The following PTPRD variants were observed in gnomAD, a reference collection of about 807,000 sequenced individuals.
PTPRD encodes the protein receptor-type tyrosine-protein phosphatase delta.
In PTPRD, 34 loss-of-function variants were observed where a neutral mutation model predicts 214.5. The ratio of observed to expected loss-of-function variants is 0.16; its 90% CI spans 0.12 to 0.21. PTPRD has a LOEUF of 0.21. Ranked by LOEUF, PTPRD falls within the 10% of genes least tolerant of loss-of-function variation. PTPRD has a pLI of 1.00. For missense variants in PTPRD, 2,545 were observed against 2,398.7 expected, an observed-to-expected ratio of 1.06 and a Z score of -1.27; for synonymous variants, 1,128 against 845.7, an observed-to-expected ratio of 1.33 and a Z score of -5.79.
chr9:10,103,354 G>C, intron 3 of PTPRD, among the ~76,000 whole-genome samples: 1 of 112,636 alleles, frequency 8.9e-6, no homozygotes, highest in Admixed American at 1.0e-4. Flanking sequence ...TTGCCATTGA[G>C]TTATGACATT....
intron 39 of PTPRD, among the ~76,000 whole-genome samples, chr9:8,357,356 T>C (rs1021718): frequency 0.91 from 138,050 of 152,254 alleles, 62,628 homozygotes; most frequent in African/African-American, 0.93. Flanking sequence ...GATGCAGGAA[T>C]AGCTTGGCAA....
In PTPRD at chr9:8,517,917, C is replaced by T. The variant is rs1388309573; in HGVS notation, c.1474G>A (p.Val492Ile). Residue 492 changes from valine to isoleucine, a missense_variant, in exon 21 of 46, where the codon GTC becomes ATC. Val to Ile is a conservative substitution (Grantham distance 29). Transcript: ENST00000381196. ...TCTCCAATTGAGGTAAAAGCCAGGA[C>T]TTTGACAGAATATGTTTTCTGGGGC... ...LVPQKTYSVK[V>I]LAFTSIGDGP... is the part of the protein sequence containing the mutation. 3.1e-6 allele frequency: 5 copies of T among 1,614,060 alleles called. No individual in the cohort carries two copies. In the Admixed American group the frequency reaches 8.3e-5, roughly 27 times the overall value.
intron 9 of PTPRD, among the ~76,000 whole-genome samples, chr9:9,349,324 A>C (rs1345161509): frequency 6.6e-6 from 1 of 152,118 alleles, no homozygotes; most frequent in Non-Finnish European, 1.5e-5. Flanking sequence ...TTGGGAAAGC[A>C]GTATCAGACT....
At chr9:8,451,942 G>A (rs750663355) in intron 33 of PTPRD, 5 of 480,978 alleles carry the variant, frequency 1.0e-5, no homozygotes, top group South Asian at 7.7e-5. Context: ...CCCTGTGGCT[G>A]GGGTGAGTGA....
chr9:10,551,259 T>C (rs913709418), intron 2 of PTPRD, among the ~76,000 whole-genome samples: 15 of 152,158 alleles, frequency 9.9e-5, no homozygotes, highest in African/African-American at 3.1e-4. Context: ...GGATCCCTCA[T>C]GTCCAGAGGT....
chr9:10,417,231 C>G (rs1372428257), intron 2 of PTPRD, among the ~76,000 whole-genome samples: 2 of 151,914 alleles, frequency 1.3e-5, no homozygotes, highest in African/African-American at 4.8e-5. Flanking sequence ...TCTATTAAGA[C>G]AAGTATTCAA....
chr9:8,328,021 T>G (rs11524179), intron 44 of PTPRD, among the ~76,000 whole-genome samples: 2,944 of 152,286 alleles, frequency 0.019, 54 homozygotes, highest in Non-Finnish European at 0.026. Flanking sequence ...TATTTACATT[T>G]AAGGTTAATA....
chr9:8,797,350 A>C (rs1345266767), intron 11 of PTPRD, among the ~76,000 whole-genome samples: 1 of 152,230 alleles, frequency 6.6e-6, no homozygotes, highest in Non-Finnish European at 1.5e-5. Flanking sequence ...AAAAGTCATG[A>C]ATACCAAACT....
chr9:10,211,708 A>G (rs962031194), intron 3 of PTPRD, among the ~76,000 whole-genome samples: 9 of 152,166 alleles, frequency 5.9e-5, no homozygotes, highest in African/African-American at 2.2e-4. Flanking sequence ...CTGAAGGTCA[A>G]AAACCATATA....
chr9:8,518,432 TG>T lies in PTPRD; in HGVS notation c.962-4del. Reference sequence around the variant, plus strand: ...AGTTCCTGGAGGTTTGGGTAAGGCTTGGATGGGGGAAGATAAAAGACAATGA... The same window carrying T: ...AGTTCCTGGAGGTTTGGGTAAGGCTTGATGGGGGAAGATAAAAGACAATGA... On this transcript the variant is annotated splice_region_variant and splice_polypyrimidine_tract_variant and intron_variant, in intron 20 of 45. Transcript: ENST00000381196. 6.3e-7 allele frequency: 1 copy of T among 1,581,744 alleles called. No homozygotes were observed. Among genetic ancestry groups the T allele is most frequent in the Non-Finnish European group, 8.6e-7 (1 of 1,166,042 alleles).
chr9:10,117,535 G>A (rs2098740193), intron 3 of PTPRD, among the ~76,000 whole-genome samples: 1 of 151,732 alleles, frequency 6.6e-6, no homozygotes, highest in Non-Finnish European at 1.5e-5. Context: ...TCAGTTTTTG[G>A]TTAGTTGCAG....
intron 3 of PTPRD, among the ~76,000 whole-genome samples, chr9:10,242,539 G>C (rs928759636): frequency 6.6e-6 from 1 of 151,696 alleles, no homozygotes; most frequent in Non-Finnish European, 1.5e-5. Context: ...TGTGTACCAG[G>C]CTTTCTGCTA....
At chr9:9,333,430 T>C (rs1317975455) in intron 9 of PTPRD, among the ~76,000 whole-genome samples, 9 of 149,010 alleles carry the variant, frequency 6.0e-5, no homozygotes, top group South Asian at 2.1e-4. Flanking sequence ...ATAGAGAGCA[T>C]TGGGCTCTCT....
intron 11 of PTPRD, among the ~76,000 whole-genome samples, chr9:8,867,415 T>A (rs7028347): frequency 1.3e-5 from 2 of 151,994 alleles, no homozygotes; most frequent in East Asian, 3.9e-4. Context: ...AAAGAACAGT[T>A]GGCACTCATG....
chr9:8,660,344 C>A (rs1199288820), intron 12 of PTPRD, among the ~76,000 whole-genome samples: 1 of 152,106 alleles, frequency 6.6e-6, no homozygotes, highest in African/African-American at 2.4e-5. Flanking sequence ...TTTTCCTTTT[C>A]CGCTTTTGAT....
intron 3 of PTPRD, among the ~76,000 whole-genome samples, chr9:10,267,190 C>CAA (rs530164049): frequency 1.4e-3 from 106 of 75,984 alleles, no homozygotes; most frequent in African/African-American, 4.7e-3. Flanking sequence ...GACTCCGTCT[C>CAA]AAAAAAAAAA....
intron 34 of PTPRD, among the ~76,000 whole-genome samples, chr9:8,437,960 G>A (rs1399412532): frequency 6.6e-6 from 1 of 152,116 alleles, no homozygotes; most frequent in African/African-American, 2.4e-5. Flanking sequence ...TCATGAAAGA[G>A]CATTGCTGAC....
chr9:8,546,661 G>C (rs755191156), intron 14 of PTPRD, among the ~76,000 whole-genome samples: 3 of 151,946 alleles, frequency 2.0e-5, no homozygotes, highest in African/African-American at 7.3e-5. Flanking sequence ...ACCATGCCTC[G>C]CTACTTTTTT....
At chr9:9,437,236 C>A (rs930682008) in intron 8 of PTPRD, among the ~76,000 whole-genome samples, 2 of 152,318 alleles carry the variant, frequency 1.3e-5, no homozygotes, top group East Asian at 3.9e-4. Context: ...TATCATATAA[C>A]TAAAGATGGC....
Sources: gnomAD v4.1 joint callset for allele counts (sites outside exome capture counted in the v4.1 genomes callset) on GRCh38, gnomAD v4.1.1 for gene constraint, MANE v1.5 for transcripts, NCBI Gene and HGNC (gene_info 2026-07-23, HGNC 2026-07-21) for gene names.